Variants in VPS45 observed in about 807,000 individuals in gnomAD.
VPS45 encodes the protein vacuolar protein sorting 45 homolog, also known as vacuolar protein sorting-associated protein 45.
A neutral mutation model predicts 75.9 loss-of-function variants in VPS45; 35 were observed. The ratio of observed to expected loss-of-function variants is 0.46; its 90% confidence interval spans 0.35 to 0.61. The LOEUF is 0.61. Among genes scored for constraint, VPS45 ranks in the 20% least tolerant of loss-of-function variants. The pLI, the probability that VPS45 is intolerant of heterozygous loss-of-function variation, is 0.00. For synonymous variants in VPS45, 220 were observed against 238.2 expected (o/e 0.92, Z 0.70); for missense variants, 559 against 685.9 (o/e 0.81, Z 2.07).
In VPS45 at chr1:150,095,512, G is replaced by A. The variant is rs189601589; in HGVS notation, c.1493+1864G>A. On this transcript the variant is annotated intron_variant, in intron 13 of 14. Transcript: ENST00000644510. ...GCCTGTAATCCCAGCTACTCAGGAG[G>A]CTGAGGTAGAAGAATCGCTTGAACC... 2.7e-3 allele frequency among the ~76,000 whole-genome samples: 405 copies of A among 152,160 alleles called. 2 individuals are homozygous for A. The highest frequency in any genetic ancestry group is 9.4e-3 in the African/African-American group (392 of 41,524).
At chr1:150,135,599 C>G (rs1256627469) in intron 14 of VPS45, among the ~76,000 whole-genome samples, 1 of 151,226 alleles carries the variant, frequency 6.6e-6, no homozygotes, top group Non-Finnish European at 1.5e-5. Flanking sequence ...TACTGAAAGT[C>G]AAAGAAAGAT....
At chr1:150,115,707 C>A (rs1324975241) in intron 14 of VPS45, among the ~76,000 whole-genome samples, 1 of 152,172 alleles carries the variant, frequency 6.6e-6, no homozygotes, top group African/African-American at 2.4e-5. Flanking sequence ...ATGTTAGTTG[C>A]TATACATAAG....
At chr1:150,131,464 T>G (rs587732545) in intron 14 of VPS45, among the ~76,000 whole-genome samples, 1 of 151,944 alleles carries the variant, frequency 6.6e-6, no homozygotes, top group Non-Finnish European at 1.5e-5. Flanking sequence ...TGAGACAAGA[T>G]CGCACCATTG....
chr1:150,071,127 A>G (rs1655047243), intron 2 of VPS45, among the ~76,000 whole-genome samples: 1 of 152,038 alleles, frequency 6.6e-6, no homozygotes. Context: ...ACTTTTTTTT[A>G]ATTCTGTAAA....
intron 2 of VPS45, among the ~76,000 whole-genome samples, chr1:150,070,470 T>TA (rs1437654565): frequency 1.3e-5 from 2 of 152,146 alleles, no homozygotes; most frequent in African/African-American, 4.8e-5. Flanking sequence ...CTTTCACTGT[T>TA]ATGTACTGTC....
rs1272363810 is a variant in VPS45, at chr1:150,145,155, C to T, written c.*359C>T. Reference sequence around the variant, plus strand: ...TACCACACTCCTTGGCTTCCTTTCTCTTCCCTTAACCCTTTCTGCTTTTCA... The same window carrying T: ...TACCACACTCCTTGGCTTCCTTTCTTTTCCCTTAACCCTTTCTGCTTTTCA... On this transcript the variant is annotated 3_prime_UTR_variant, in exon 15 of 15. Transcript: ENST00000644510. The T allele has an allele frequency of 6.5e-6, 3 of 458,936 alleles. No individual in the cohort carries two copies. The highest frequency in any genetic ancestry group is 1.2e-5 in the Non-Finnish European group (3 of 255,314). The allele number at this position is 458,936 out of a possible 1,614,324, so 28.4% of individuals were successfully genotyped here. A position where few individuals can be genotyped will look rare whatever the true frequency, so the allele number is the denominator to read the frequency against.
intron 14 of VPS45, among the ~76,000 whole-genome samples, chr1:150,144,063 C>T (rs587702671): frequency 1.3e-5 from 2 of 152,074 alleles, no homozygotes; most frequent in Admixed American, 6.6e-5. Context: ...GGTTTTAAAG[C>T]AGAAGAAGGG....
intron 13 of VPS45, among the ~76,000 whole-genome samples, chr1:150,098,657 T>C (rs1232856515): frequency 1.3e-5 from 2 of 152,184 alleles, no homozygotes; most frequent in African/African-American, 2.4e-5. Flanking sequence ...ATAGAAAATA[T>C]CAAAGGAAAT....
At chr1:150,081,552 G>A in intron 8 of VPS45, 76 bp downstream of exon 8, 5 of 1,498,068 alleles carry the variant, frequency 3.3e-6, no homozygotes, top group Non-Finnish European at 2.7e-6. Context: ...TGTTAGTATA[G>A]GGGCAGGCAT....
At chr1:150,079,483 C>T (rs587702632) in intron 7 of VPS45, among the ~76,000 whole-genome samples, 3 of 152,278 alleles carry the variant, frequency 2.0e-5, no homozygotes, top group African/African-American at 7.2e-5. Context: ...TCACTGCAAC[C>T]TCCGCCTCCC....
chr1:150,135,518 G>A (rs1312646643), intron 14 of VPS45, among the ~76,000 whole-genome samples: 2 of 151,490 alleles, frequency 1.3e-5, no homozygotes, highest in East Asian at 2.0e-4. Context: ...CACCCTCCTC[G>A]GCCTCCCAAA....
intron 14 of VPS45, among the ~76,000 whole-genome samples, chr1:150,137,883 C>G (rs1659192546): frequency 7.9e-6 from 1 of 126,574 alleles, no homozygotes; most frequent in Non-Finnish European, 1.5e-5. Context: ...CCACTGCACT[C>G]CAGCCTAGGC....
intron 1 of VPS45, 118 bp downstream of exon 1, chr1:150,068,068 T>C: frequency 1.8e-6 from 2 of 1,100,092 alleles, no homozygotes; most frequent in African/African-American, 1.6e-5. Flanking sequence ...GGTCGGTTTG[T>C]GTGGAATTGA....
Position 150,111,413 on chromosome 1 carries a change from T to C in VPS45, c.1625+786T>C, listed in dbSNP as rs587734178. The stretch of plus-strand genomic sequence containing the variant: ...TGTGTGTAATAAAGTGAAAGGATGA[T>C]TGAATGCCATCATTGTGGAAGGCCT... On this transcript the variant is annotated intron_variant, in intron 14 of 14. Transcript: ENST00000644510. Among the ~76,000 whole-genome samples, 10 of 152,330 alleles carry C rather than the reference T, an allele frequency of 6.6e-5. No homozygotes were observed. The East Asian group carries it at 7.7e-4, about 12-fold the overall frequency.
intron 13 of VPS45, among the ~76,000 whole-genome samples, chr1:150,097,773 A>G (rs587665899): frequency 6.6e-6 from 1 of 152,138 alleles, no homozygotes; most frequent in East Asian, 1.9e-4. Flanking sequence ...TATGTGCTTG[A>G]CTATACATAT....
chr1:150,081,867 A>T lies in VPS45; in HGVS notation c.823-17A>T. The T allele has an allele frequency of 1.3e-6, 2 of 1,527,150 alleles. No individual in the cohort carries two copies. The highest frequency in any genetic ancestry group is 1.8e-6 in the Non-Finnish European group (2 of 1,112,266). 94.6% of individuals were successfully genotyped at this position (1,527,150 alleles called of 1,614,324 possible). A position where few individuals can be genotyped will look rare whatever the true frequency, so the allele number is the denominator to read the frequency against. ...AGACTAGTTGATGAAGTGTGCTTCC[A>T]ACTTTCTTTTTCACAGAATATGTAC... On this transcript the variant is annotated splice_polypyrimidine_tract_variant and intron_variant, in intron 8 of 14. Coordinates refer to ENST00000644510, the MANE Select transcript of VPS45 (RefSeq NM_007259.5).
Position 150,092,419 on chromosome 1 carries a change from TCTC to T in VPS45, c.1371+14_1371+16del, listed in dbSNP as rs1656383333. 1.9e-6 allele frequency: 3 copies of T among 1,609,600 alleles called. No homozygotes were observed. Among genetic ancestry groups the T allele is most frequent in the African/African-American group, 1.3e-5 (1 of 74,846 alleles). On this transcript the variant is annotated intron_variant, in intron 12 of 14. Coordinates refer to ENST00000644510, the MANE Select transcript of VPS45 (RefSeq NM_007259.5). ...CCTCAAAGGACTGAAGGTATAGACA[TCTC>T]CTCTATGCTCTCCTGAGTGAGAACA...
At chr1:150,094,689 C>T (rs1327619868) in intron 13 of VPS45, among the ~76,000 whole-genome samples, 1 of 152,166 alleles carries the variant, frequency 6.6e-6, no homozygotes, top group Non-Finnish European at 1.5e-5. Context: ...AGAATGAACG[C>T]CAGCCCAAAG....
At chr1:150,071,906 TTCTTTA>T (rs1426001624) in intron 2 of VPS45, among the ~76,000 whole-genome samples, 1 of 151,654 alleles carries the variant, frequency 6.6e-6, no homozygotes, top group South Asian at 2.1e-4. Context: ...GTCCTTTATA[TTCTTTA>T]TCTTAATTGG....
Sources: allele counts gnomAD v4.1 joint callset (sites outside exome capture counted in the v4.1 genomes callset), GRCh38; gene constraint gnomAD v4.1.1; transcripts MANE v1.5; gene names NCBI Gene and HGNC (gene_info 2026-07-23, HGNC 2026-07-21).